Variants in PGCKA1 observed in about 807,000 individuals in gnomAD.
PGCKA1 encodes PDCD10 and GCKIII kinases associated 1.
chr4:37,459,611 C>G, the PGCKA1 span, among the ~76,000 whole-genome samples: 22 of 152,134 alleles, frequency 1.4e-4, no homozygotes, highest in African/African-American at 5.1e-4. Context: ...AGCATCATAA[C>G]CATCTGGGAG....
the PGCKA1 span, among the ~76,000 whole-genome samples, chr4:37,504,576 T>G: frequency 6.6e-6 from 1 of 152,180 alleles, no homozygotes; most frequent in Non-Finnish European, 1.5e-5. Context: ...CCTTTCCATT[T>G]TGTGTGTGTG....
the PGCKA1 span, among the ~76,000 whole-genome samples, chr4:37,571,362 T>TCC: frequency 1.2e-4 from 15 of 120,392 alleles, no homozygotes; most frequent in African/African-American, 4.6e-4. Flanking sequence ...ATCCTTTTTT[T>TCC]TTTTTTTTTT....
the PGCKA1 span, among the ~76,000 whole-genome samples, chr4:37,529,484 G>A: frequency 6.6e-6 from 1 of 152,200 alleles, no homozygotes; most frequent in Non-Finnish European, 1.5e-5. Flanking sequence ...AGTATGTGAT[G>A]AAATTGCCTA....
chr4:37,495,908 T>C, the PGCKA1 span, among the ~76,000 whole-genome samples: 2 of 151,938 alleles, frequency 1.3e-5, no homozygotes, highest in African/African-American at 2.4e-5. Flanking sequence ...TTTAATGGGG[T>C]TGTTTATTTT....
At chr4:37,475,497 A>G in the PGCKA1 span, among the ~76,000 whole-genome samples, 5 of 152,266 alleles carry the variant, frequency 3.3e-5, no homozygotes, top group Non-Finnish European at 7.4e-5. Context: ...TCTAGTCTAT[A>G]TATCTCATTC....
the PGCKA1 span, among the ~76,000 whole-genome samples, chr4:37,545,941 A>C: frequency 6.6e-6 from 1 of 152,208 alleles, no homozygotes; most frequent in Admixed American, 6.5e-5. Context: ...CAGAAGTCCT[A>C]CTTTGTATTT....
the PGCKA1 span, among the ~76,000 whole-genome samples, chr4:37,499,918 C>T: frequency 8.8e-5 from 7 of 79,250 alleles, no homozygotes; most frequent in African/African-American, 2.2e-4. Context: ...GTCTTCCTAA[C>T]TTTTTTTTTT....
At chr4:37,505,970 A>G in the PGCKA1 span, among the ~76,000 whole-genome samples, 4 of 152,156 alleles carry the variant, frequency 2.6e-5, no homozygotes, top group Admixed American at 1.3e-4. Context: ...ATTAATCGTT[A>G]TTGGTCTGTT....
chr4:37,582,006 G>C, the PGCKA1 span, among the ~76,000 whole-genome samples: 1 of 152,152 alleles, frequency 6.6e-6, no homozygotes, highest in Non-Finnish European at 1.5e-5. Context: ...TGGCTTAGCT[G>C]ATTTCAGCCT....
chr4:37,537,283 G>T, the PGCKA1 span, among the ~76,000 whole-genome samples: 1 of 152,112 alleles, frequency 6.6e-6, no homozygotes, highest in Non-Finnish European at 1.5e-5. Context: ...CTAGAATCTG[G>T]CTTTTCTAAA....
the PGCKA1 span, among the ~76,000 whole-genome samples, chr4:37,512,269 G>C: frequency 1.3e-5 from 2 of 152,012 alleles, no homozygotes; most frequent in African/African-American, 4.8e-5. Context: ...TTCCTGTAGG[G>C]GATGACCAGG....
chr4:37,469,056 T>G, the PGCKA1 span, among the ~76,000 whole-genome samples: 1 of 152,178 alleles, frequency 6.6e-6, no homozygotes. Context: ...ACATTTACTA[T>G]GTTTAGATAT....
chr4:37,477,477 T>C, the PGCKA1 span, among the ~76,000 whole-genome samples: 1 of 152,192 alleles, frequency 6.6e-6, no homozygotes, highest in South Asian at 2.1e-4. Context: ...TTTATTGTGG[T>C]AACGGTGGCA....
chr4:37,570,210 G>A, the PGCKA1 span, among the ~76,000 whole-genome samples: 1 of 135,436 alleles, frequency 7.4e-6, no homozygotes, highest in Non-Finnish European at 1.5e-5. Context: ...GTGTTAGCCA[G>A]GATGGTCTCG....
chr4:37,499,918 C>CTTTTTTTTT, the PGCKA1 span, among the ~76,000 whole-genome samples: 14 of 79,250 alleles, frequency 1.8e-4, 1 homozygote, highest in African/African-American at 5.5e-4. Context: ...GTCTTCCTAA[C>CTTTTTTTTT]TTTTTTTTTT....
At chr4:37,511,919 A>T in the PGCKA1 span, among the ~76,000 whole-genome samples, 15 of 152,244 alleles carry the variant, frequency 9.9e-5, no homozygotes, top group Non-Finnish European at 1.9e-4. Flanking sequence ...GACCACTGGG[A>T]TGCACAATTC....
the PGCKA1 span, among the ~76,000 whole-genome samples, chr4:37,554,873 G>T: frequency 6.6e-6 from 1 of 152,188 alleles, no homozygotes; most frequent in Non-Finnish European, 1.5e-5. Flanking sequence ...AAAGTAGCTG[G>T]AGGAGTTCCC....
the PGCKA1 span, chr4:37,590,049 T>C: frequency 1.4e-6 from 2 of 1,452,090 alleles, no homozygotes; most frequent in South Asian, 1.3e-5. Context: ...GCATTAATGA[T>C]GGAGCAGACC....
At chr4:37,453,778 A>G in the PGCKA1 span, among the ~76,000 whole-genome samples, 1 of 152,042 alleles carries the variant, frequency 6.6e-6, no homozygotes, top group Admixed American at 6.5e-5. Context: ...GATGTCGGAC[A>G]TCGTACTCCA....
Sources: gnomAD v4.1 joint callset for allele counts (sites outside exome capture counted in the v4.1 genomes callset) on GRCh38, gnomAD v4.1.1 for gene constraint, MANE v1.5 for transcripts, NCBI Gene and HGNC (gene_info 2026-07-23, HGNC 2026-07-21) for gene names.